The following DOCK9 variants were observed in gnomAD, a reference collection of about 807,000 sequenced individuals.
DOCK9 encodes dedicator of cytokinesis 9.
Under a neutral mutation model 263.3 loss-of-function variants are expected in DOCK9, and 89 were observed. That is an observed-to-expected ratio of 0.34 (90% CI 0.28 to 0.40). The LOEUF is 0.40. Ranked by LOEUF, DOCK9 falls within the 10% of genes least tolerant of loss-of-function variation. The pLI is 1.00. For synonymous variants in DOCK9, 976 were observed against 973.1 expected, an observed-to-expected ratio of 1.00 and a Z score of -0.06; for missense variants, 2,140 against 2,603.4, an observed-to-expected ratio of 0.82 and a Z score of 3.87.
intron 1 of DOCK9, among the ~76,000 whole-genome samples, chr13:98,963,386 C>T (rs142764592): frequency 2.5e-3 from 376 of 152,350 alleles, no homozygotes; most frequent in Non-Finnish European, 4.1e-3. Context: ...AGCAGACCTG[C>T]ACAATGTTCG....
intron 45 of DOCK9, among the ~76,000 whole-genome samples, chr13:98,816,517 G>A (rs931282093): frequency 6.6e-6 from 1 of 151,990 alleles, no homozygotes; most frequent in African/African-American, 2.4e-5. Context: ...GTGAAGGAAC[G>A]CTCCCTGTCT....
At chr13:98,929,183 A>T (rs1350029104) in intron 3 of DOCK9, among the ~76,000 whole-genome samples, 3 of 152,202 alleles carry the variant, frequency 2.0e-5, no homozygotes, top group South Asian at 4.1e-4. Flanking sequence ...CCTACCTAAA[A>T]TTACCTGGAG....
intron 1 of DOCK9, among the ~76,000 whole-genome samples, chr13:99,037,784 A>C (rs1888040435): frequency 6.6e-6 from 1 of 152,214 alleles, no homozygotes. Flanking sequence ...TTAATTCATC[A>C]GTATAAAGAA....
At chr13:98,999,288 G>GCACACACACA (rs1412789503) in intron 1 of DOCK9, among the ~76,000 whole-genome samples, 89 of 137,676 alleles carry the variant, frequency 6.5e-4, no homozygotes, top group Non-Finnish European at 9.5e-4. Context: ...ACGCATGCAC[G>GCACACACACA]CGCACACACA....
intron 45 of DOCK9, among the ~76,000 whole-genome samples, chr13:98,817,849 G>C (rs1437353683): frequency 6.7e-6 from 1 of 148,892 alleles, no homozygotes; most frequent in Non-Finnish European, 1.5e-5. Context: ...AGGAAAGTTT[G>C]ATAAAGTAGA....
intron 7 of DOCK9, among the ~76,000 whole-genome samples, chr13:98,917,217 A>G (rs1270071446): frequency 2.0e-5 from 3 of 152,234 alleles, no homozygotes; most frequent in African/African-American, 7.2e-5. Flanking sequence ...AGAAACAGGC[A>G]GCAAAACTCT....
intron 2 of DOCK9, among the ~76,000 whole-genome samples, chr13:98,955,225 G>A (rs903282828): frequency 1.3e-5 from 2 of 152,150 alleles, no homozygotes; most frequent in African/African-American, 4.8e-5. Context: ...GGCTGAGGCA[G>A]GAGAAATGCT....
intron 1 of DOCK9, among the ~76,000 whole-genome samples, chr13:98,984,344 T>C (rs749944813): frequency 6.6e-5 from 10 of 152,248 alleles, no homozygotes; most frequent in Middle Eastern, 6.3e-3. Context: ...CACAGTCTAC[T>C]CATTTGTTGA....
At chr13:99,034,431 A>C (rs1044260955) in intron 1 of DOCK9, among the ~76,000 whole-genome samples, 5 of 152,160 alleles carry the variant, frequency 3.3e-5, no homozygotes, top group African/African-American at 1.2e-4. Context: ...AAAGAGAACA[A>C]TATGTGGTGG....
At position 98,925,893 on chromosome 13, in the gene DOCK9, C is replaced by T; in HGVS notation, c.360G>A (p.Trp120Ter). 6.3e-7 allele frequency: 1 copy of T among 1,586,910 alleles called. No individual in the cohort carries two copies. Among genetic ancestry groups the T allele is most frequent in the South Asian group, 1.2e-5 (1 of 86,830 alleles). Residue 120 changes from tryptophan to a stop codon, truncating the protein, a stop_gained, in exon 4 of 53, where the codon TGG becomes TGA. Transcript: ENST00000682017. LOFTEE classifies it high-confidence loss of function. ...CTTCATATTTATAGTTCACAAGATG[C>T]CAGTCAGAGTTATAGGTTTTGATGC... is the stretch of plus-strand genomic sequence containing the variant. ...TECIKTYNSDWHLVNYKYEDY... is the reference protein window; with the variant it reads ...TECIKTYNSD
chr13:98,971,175 C>A (rs2141342596), intron 1 of DOCK9, among the ~76,000 whole-genome samples: 1 of 152,282 alleles, frequency 6.6e-6, no homozygotes, highest in South Asian at 2.1e-4. Flanking sequence ...TGGTGATCTG[C>A]AGAGATTGAG....
At chr13:98,842,710 C>A (rs1476734322) in intron 38 of DOCK9, among the ~76,000 whole-genome samples, 1 of 152,154 alleles carries the variant, frequency 6.6e-6, no homozygotes, top group Non-Finnish European at 1.5e-5. Flanking sequence ...TGGTTTTGTG[C>A]TATCACTCTC....
Position 98,825,938 on chromosome 13 carries a change from C to CTT in DOCK9, c.5023+890_5023+891dup, listed in dbSNP as rs2092515883. 1.9e-6 allele frequency: 3 copies of CTT among 1,542,042 alleles called. No individual in the cohort carries two copies. The East Asian group carries it at 7.4e-5, about 38-fold the overall frequency. ...AGAAGGGGCGGCTCCCACTGGACTG[C>CTT]TTCTAAACATGAGGAAATGCATCAC... On this transcript the variant is annotated intron_variant, in intron 44 of 52. Coordinates refer to ENST00000682017, the MANE Select transcript of DOCK9 (RefSeq NM_001366683.2). This position sits in a 1 kb window ranked among gnomAD's most constrained non-coding sequence, Gnocchi z 4.1.
chr13:98,906,739 T>C (rs1413533083), intron 9 of DOCK9, among the ~76,000 whole-genome samples: 6 of 152,152 alleles, frequency 3.9e-5, no homozygotes, highest in Non-Finnish European at 8.8e-5. Context: ...ATATAATAGG[T>C]CTTTAGCAAT....
intron 1 of DOCK9, among the ~76,000 whole-genome samples, chr13:99,073,318 TCTCTC>T (rs1442165653): frequency 2.0e-5 from 3 of 151,792 alleles, no homozygotes; most frequent in Admixed American, 6.6e-5. Context: ...TCTCTCTCTC[TCTCTC>T]TTCTCTCTCT....
At position 99,060,062 on chromosome 13, in the gene DOCK9, C is replaced by CTTTTTTTTTT. The variant is rs71114576; in HGVS notation, c.129+26151_129+26160dup. ...AGTTACAGACATTTGATTGTTTCTA[C>CTTTTTTTTTT]TTTTTTTTTTTTTTTTTTTTTTTTT... is the stretch of plus-strand genomic sequence containing the variant. On this transcript the variant is annotated intron_variant, in intron 1 of 32. Coordinates refer to the DOCK9 transcript ENST00000427887. Among the ~76,000 whole-genome samples, 37 of 61,460 alleles carry CTTTTTTTTTT rather than the reference C, an allele frequency of 6.0e-4. 8 individuals carry two copies. Among genetic ancestry groups the CTTTTTTTTTT allele is most frequent in the African/African-American group, 2.4e-3 (30 of 12,596 alleles). The allele number at this position is 61,460 out of a possible 152,430, so 40.3% of individuals were successfully genotyped here. A position where few individuals can be genotyped will look rare whatever the true frequency, so the allele number is the denominator to read the frequency against.
intron 1 of DOCK9, among the ~76,000 whole-genome samples, chr13:99,084,817 A>C (rs2042266319): frequency 6.6e-6 from 1 of 152,222 alleles, no homozygotes; most frequent in Non-Finnish European, 1.5e-5. Flanking sequence ...GATGCCAAAG[A>C]AGTTGCAGGC....
intron 1 of DOCK9, among the ~76,000 whole-genome samples, chr13:99,019,753 G>A (rs1004984379): frequency 3.3e-5 from 5 of 152,228 alleles, no homozygotes; most frequent in East Asian, 1.9e-4. Flanking sequence ...GATCCATCCC[G>A]TTTCTGTGGA....
Position 98,831,731 on chromosome 13 carries a change from A to C in DOCK9, c.4370T>G (p.Val1457Gly), listed in dbSNP as rs759109781. 39 of 1,613,932 alleles carry C rather than the reference A, an allele frequency of 2.4e-5. No individual in the cohort carries two copies. Among genetic ancestry groups the C allele is most frequent in the Non-Finnish European group, 3.2e-5 (38 of 1,179,896 alleles). ...HNPLMKKVFD[V>G]YLCFLQKHQS... is the part of the protein sequence containing the mutation. The stretch of plus-strand genomic sequence containing the variant: ...ATGTTTTTGAAGAAAACACAGGTAG[A>C]CATCAAAAACTTTTTTCATGAGAGG... Residue 1457 changes from valine (V) to glycine (G), a missense_variant, in exon 40 of 53, where the codon GTC becomes GGC. By Grantham distance (109) the Val-to-Gly change is moderately radical. Coordinates refer to ENST00000682017, the MANE Select transcript of DOCK9 (RefSeq NM_001366683.2).
Sources: gnomAD v4.1 joint callset for allele counts (sites outside exome capture counted in the v4.1 genomes callset) on GRCh38, gnomAD v4.1.1 for gene constraint, Gnocchi (gnomAD v3.1) non-coding constraint, MANE v1.5 for transcripts, NCBI Gene and HGNC (gene_info 2026-07-23, HGNC 2026-07-21) for gene names.